Variants in ANAPC10 observed in about 807,000 individuals in gnomAD.
The protein encoded by ANAPC10 is anaphase-promoting complex subunit 10.
ANAPC10 carries 12 observed loss-of-function variants against 22.0 expected under a neutral mutation model. The observed-to-expected ratio is 0.55, with a 90% CI of 0.35 to 0.88. The LOEUF (loss-of-function observed/expected upper bound fraction) is 0.88. ANAPC10 is among the 40% of genes least tolerant of loss of function. ANAPC10 has a pLI of 0.01. For synonymous variants in ANAPC10, 65 were observed against 69.5 expected, an observed-to-expected ratio of 0.94 and a Z score of 0.32; for missense variants, 188 against 220.9, an observed-to-expected ratio of 0.85 and a Z score of 0.94.
At chr4:145,049,776 G>A (rs1740839729) in intron 4 of ANAPC10, among the ~76,000 whole-genome samples, 1 of 151,960 alleles carries the variant, frequency 6.6e-6, no homozygotes, top group South Asian at 2.1e-4. Context: ...TAGAGATGGG[G>A]GTCTTGTTAT....
Position 145,068,771 on chromosome 4 carries a change from A to G in ANAPC10, c.207-4079T>C, listed in dbSNP as rs1264624040. Among the ~76,000 whole-genome samples, 4 of 152,250 alleles carry G rather than the reference A, an allele frequency of 2.6e-5. No individual in the cohort carries two copies. The East Asian group carries it at 5.8e-4, about 22-fold the overall frequency. ...CTAAAAATACAAAATGTAGCTGGGTATGGTGGCATGTGCCTGTAGTACCAG... is the reference window on the plus strand; with the variant it reads ...CTAAAAATACAAAATGTAGCTGGGTGTGGTGGCATGTGCCTGTAGTACCAG... On this transcript the variant is annotated intron_variant, in intron 3 of 4. Coordinates refer to ENST00000507656, the MANE Select transcript of ANAPC10 (RefSeq NM_001256706.2).
At chr4:145,031,132 C>A (rs1737512452) in intron 4 of ANAPC10, among the ~76,000 whole-genome samples, 2 of 152,196 alleles carry the variant, frequency 1.3e-5, no homozygotes, top group South Asian at 4.1e-4. Flanking sequence ...AGCAATTTAC[C>A]TTACTGTCCT....
At chr4:145,087,362 T>A (rs2126630413) in intron 2 of ANAPC10, among the ~76,000 whole-genome samples, 1 of 152,236 alleles carries the variant, frequency 6.6e-6, no homozygotes, top group South Asian at 2.1e-4. Flanking sequence ...GGGCTGTTTT[T>A]TTCTTTTTTT....
At position 145,011,795 on chromosome 4, in the gene ANAPC10, GAAAGGTTA is replaced by G. The variant is rs1189364214; in HGVS notation, c.328-16200_328-16193del. ...CTGAAGTTGCCTAGGATAGGTTGCT[GAAAGGTTA>G]AGCAAGAGGCCTCTGAGAAGCACAG... is the stretch of plus-strand genomic sequence containing the variant. On this transcript the variant is annotated intron_variant, in intron 4 of 4. Coordinates refer to ENST00000507656, the MANE Select transcript of ANAPC10 (RefSeq NM_001256706.2). Among the ~76,000 whole-genome samples the G allele has an allele frequency of 4.6e-5, 7 of 152,126 alleles. No homozygotes were observed. In the East Asian group the frequency reaches 1.3e-3, roughly 29 times the overall value.
chr4:145,023,462 A>C (rs1371915125), intron 4 of ANAPC10, among the ~76,000 whole-genome samples: 1 of 152,130 alleles, frequency 6.6e-6, no homozygotes, highest in Non-Finnish European at 1.5e-5. Context: ...ATGCAGAAAT[A>C]AATTTACACG....
intron 4 of ANAPC10, among the ~76,000 whole-genome samples, chr4:145,024,298 C>T (rs1736355820): frequency 6.6e-6 from 1 of 152,284 alleles, no homozygotes; most frequent in Middle Eastern, 3.4e-3. Flanking sequence ...GTATTTTGAC[C>T]TTCTCACATG....
At chr4:145,028,146 T>A (rs1052328710) in intron 4 of ANAPC10, among the ~76,000 whole-genome samples, 2 of 152,208 alleles carry the variant, frequency 1.3e-5, no homozygotes, top group African/African-American at 4.8e-5. Context: ...AAAGTATTAA[T>A]CCTGGGTGTG....
intron 4 of ANAPC10, among the ~76,000 whole-genome samples, chr4:145,008,281 T>A (rs2126899929): frequency 6.6e-6 from 1 of 152,290 alleles, no homozygotes; most frequent in East Asian, 1.9e-4. Flanking sequence ...GTACCATTCC[T>A]TCTGAAACTA....
chr4:145,004,415 G>C (rs184570942), intron 4 of ANAPC10, among the ~76,000 whole-genome samples: 1 of 152,096 alleles, frequency 6.6e-6, no homozygotes, highest in East Asian at 1.9e-4. Flanking sequence ...TCCTTGTTTC[G>C]TTCCAGTTTT....
chr4:145,086,861 GC>G (rs1746977438), intron 2 of ANAPC10, among the ~76,000 whole-genome samples: 1 of 151,294 alleles, frequency 6.6e-6, no homozygotes, highest in Non-Finnish European at 1.5e-5. Flanking sequence ...GAGAGCAACT[GC>G]CCTAAAGAAA....
chr4:145,057,798 A>C (rs534966820), intron 4 of ANAPC10, among the ~76,000 whole-genome samples: 3 of 152,142 alleles, frequency 2.0e-5, no homozygotes, highest in African/African-American at 7.2e-5. Flanking sequence ...CAGTTGCCTA[A>C]GCTGAGAATT....
At chr4:145,035,987 C>T (rs1038564765) in intron 4 of ANAPC10, among the ~76,000 whole-genome samples, 2 of 152,000 alleles carry the variant, frequency 1.3e-5, no homozygotes, top group African/African-American at 4.8e-5. Context: ...ATTGCTGTTT[C>T]AAGAAAGAGT....
intron 4 of ANAPC10, among the ~76,000 whole-genome samples, chr4:145,041,478 T>A (rs1051370308): frequency 1.3e-5 from 2 of 152,218 alleles, no homozygotes; most frequent in Non-Finnish European, 2.9e-5. Flanking sequence ...CAGCCCAGTG[T>A]GGAAATGGCT....
intron 4 of ANAPC10, among the ~76,000 whole-genome samples, chr4:145,045,389 G>A (rs1286333859): frequency 6.6e-6 from 1 of 151,998 alleles, no homozygotes; most frequent in African/African-American, 2.4e-5. Context: ...ACTAAGATCT[G>A]AAACCAGATC....
At chr4:145,065,633 A>G (rs760052983) in intron 3 of ANAPC10, among the ~76,000 whole-genome samples, 11 of 152,082 alleles carry the variant, frequency 7.2e-5, no homozygotes, top group African/African-American at 1.2e-4. Flanking sequence ...AAAACAGCCT[A>G]AATATCCATG....
chr4:145,073,542 A>T (rs926968729), intron 3 of ANAPC10, among the ~76,000 whole-genome samples: 30 of 152,166 alleles, frequency 2.0e-4, no homozygotes, highest in African/African-American at 7.2e-4. Flanking sequence ...TATTGGTATT[A>T]AAGTATATAT....
chr4:145,075,176 C>T (rs1745021653), intron 3 of ANAPC10, among the ~76,000 whole-genome samples: 1 of 151,966 alleles, frequency 6.6e-6, no homozygotes, highest in South Asian at 2.1e-4. Context: ...TTTTAGCAAC[C>T]ACATCACACT....
At chr4:145,062,089 T>C (rs990867159) in intron 4 of ANAPC10, among the ~76,000 whole-genome samples, 4 of 150,944 alleles carry the variant, frequency 2.6e-5, no homozygotes, top group Non-Finnish European at 5.9e-5. Context: ...AAGATTATGA[T>C]AAAAAAATTT....
chr4:145,049,624 T>C (rs1256890302), intron 4 of ANAPC10, among the ~76,000 whole-genome samples: 1 of 152,178 alleles, frequency 6.6e-6, no homozygotes, highest in Non-Finnish European at 1.5e-5. Flanking sequence ...CTGTAGCCCA[T>C]GCTGAAGTGC....
Sources: allele counts gnomAD v4.1 joint callset (sites outside exome capture counted in the v4.1 genomes callset), GRCh38; gene constraint gnomAD v4.1.1; transcripts MANE v1.5; gene names NCBI Gene and HGNC (gene_info 2026-07-23, HGNC 2026-07-21).